The following GRK1 variants were observed in gnomAD, a reference collection of about 807,000 sequenced individuals.
GRK1 encodes the protein G protein-coupled receptor kinase 1, also known as rhodopsin kinase GRK1.
Under a neutral mutation model 41.7 loss-of-function variants are expected in GRK1, and 28 were observed. That is an observed-to-expected ratio of 0.67 (90% CI 0.50 to 0.92). The LOEUF (loss-of-function observed/expected upper bound fraction) is 0.92, where lower values mean the gene tolerates loss of function less well. GRK1 is among the 40% of genes least tolerant of loss of function. The pLI is 0.00. For missense variants in GRK1, 703 were observed against 671.2 expected, an observed-to-expected ratio of 1.05 and a Z score of -0.52; for synonymous variants, 327 against 286.7, an observed-to-expected ratio of 1.14 and a Z score of -1.42.
In GRK1 at chr13:113,667,285, C is replaced by T; in HGVS notation, c.-102C>T. Reference sequence around the variant, plus strand: ...TCGTCCAGCAAGGGCAGGGACGGGCCACAGGCCAAGGGCAGCAGTCAGGCC... The same window carrying T: ...TCGTCCAGCAAGGGCAGGGACGGGCTACAGGCCAAGGGCAGCAGTCAGGCC... On this transcript the variant is annotated 5_prime_UTR_variant, in exon 1 of 7. Transcript: ENST00000335678. This position sits in a 1 kb window ranked among gnomAD's most constrained non-coding sequence, Gnocchi z 7.5. 2.5e-6 allele frequency: 3 copies of T among 1,198,050 alleles called. No individual in the cohort carries two copies. The highest frequency in any genetic ancestry group is 3.4e-6 in the Non-Finnish European group (3 of 874,748). 74.2% of individuals were successfully genotyped at this position (1,198,050 alleles called of 1,614,324 possible).
intron 5 of GRK1, among the ~76,000 whole-genome samples, chr13:113,732,539 G>A (rs929111314): frequency 6.6e-6 from 1 of 152,238 alleles, no homozygotes; most frequent in African/African-American, 2.4e-5. Flanking sequence ...CGAGGCTTCC[G>A]TCCACCGTGG....
chr13:113,734,899 C>T, intron 6 of GRK1, 169 bp from the exon 7 acceptor site: 3 of 621,732 alleles, frequency 4.8e-6, no homozygotes, highest in Non-Finnish European at 5.1e-6. Flanking sequence ...ACCCAGGGGC[C>T]TTCTGGGAAC....
At chr13:113,669,594 G>A (rs2049842416) in intron 1 of GRK1, 93 bp from the exon 2 acceptor site, 11 of 1,495,998 alleles carry the variant, frequency 7.4e-6, no homozygotes, top group Non-Finnish European at 8.3e-6. Context: ...GTGGCTGTGT[G>A]CAGTGGGCGT....
chr13:113,649,669 AGT>A, the GRK1 span: 1 of 1,022,734 alleles, frequency 9.8e-7, no homozygotes, highest in Admixed American at 3.6e-5. The surrounding 1 kb of genome is among the most constrained non-coding windows in gnomAD (Gnocchi z 4.7). Context: ...GCCCTGACCG[AGT>A]GCATGCCCTG....
In GRK1 at chr13:113,732,893, A is replaced by C; in HGVS notation, c.1204A>C (p.Lys402Gln). 3 of 1,536,550 alleles carry C rather than the reference A, an allele frequency of 2.0e-6. No individual in the cohort carries two copies. The highest frequency in any genetic ancestry group is 2.6e-6 in the Non-Finnish European group (3 of 1,146,854). The part of the protein sequence containing the change: ...FRARGEKVEN[K>Q]ELKHRIISEP... ...ACGCGTGTCCCCACAGGTGGAGAACAAGGAGCTGAAGCACCGGATCATCTC... is the reference window on the plus strand; with the variant it reads ...ACGCGTGTCCCCACAGGTGGAGAACCAGGAGCTGAAGCACCGGATCATCTC... Residue 402 changes from lysine to glutamine, a missense_variant, in exon 6 of 7, where the codon AAG (lysine) becomes CAG (glutamine). Lys to Gln is a moderately conservative substitution (Grantham distance 53). Coordinates refer to ENST00000335678, the MANE Select transcript of GRK1 (RefSeq NM_002929.3).
chr13:113,664,178 G>A (rs919906776), upstream of GRK1, among the ~76,000 whole-genome samples: 1 of 152,124 alleles, frequency 6.6e-6, no homozygotes, highest in Non-Finnish European at 1.5e-5. The surrounding 1 kb of genome is among the most constrained non-coding windows in gnomAD (Gnocchi z 5.4). Flanking sequence ...TTCATGTGAC[G>A]TGCTTAGAGA....
At chr13:113,657,020 G>T in the GRK1 span, among the ~76,000 whole-genome samples, 7 of 152,196 alleles carry the variant, frequency 4.6e-5, no homozygotes, top group African/African-American at 1.7e-4. Flanking sequence ...CTTCAAATGC[G>T]CCCATGACTC....
chr13:113,651,703 C>T, the GRK1 span: 12 of 1,613,710 alleles, frequency 7.4e-6, no homozygotes, highest in East Asian at 1.1e-4. Flanking sequence ...GGGGCCGAGC[C>T]GTTGCTGGGG....
the GRK1 span, among the ~76,000 whole-genome samples, chr13:113,660,283 C>T: frequency 6.6e-6 from 1 of 152,150 alleles, no homozygotes; most frequent in Non-Finnish European, 1.5e-5. Context: ...ACTGTGACCA[C>T]CACACAGTGA....
At chr13:113,653,907 C>T in the GRK1 span, among the ~76,000 whole-genome samples, 228 of 152,336 alleles carry the variant, frequency 1.5e-3, no homozygotes, top group African/African-American at 5.0e-3. Context: ...CGATGTGAAC[C>T]GTCAAATGTG....
Position 113,667,588 on chromosome 13 carries a change from G to C in GRK1, c.202G>C (p.Gly68Arg), listed in dbSNP as rs745407122. Residue 68 changes from glycine (G) to arginine (R), a missense_variant, in exon 1 of 7, where the codon GGC (glycine) becomes CGC (arginine). Gly to Arg is a moderately radical substitution (Grantham distance 125). Coordinates refer to ENST00000335678, the MANE Select transcript of GRK1 (RefSeq NM_002929.3). The surrounding 1 kb of genome is among the most constrained non-coding windows in gnomAD (Gnocchi z 7.5). ...FESVCLEQPI[G>R]KKLFQQFLQS... ...GAGTGTGTGCTTGGAGCAGCCCATC[G>C]GCAAGAAGCTCTTTCAGCAGTTCCT... The C allele has an allele frequency of 6.2e-7, 1 of 1,613,580 alleles. No homozygotes were observed. The highest frequency in any genetic ancestry group is 1.7e-5 in the Admixed American group (1 of 60,020).
the GRK1 span, chr13:113,653,354 C>A: frequency 6.2e-7 from 1 of 1,614,156 alleles, no homozygotes; most frequent in Non-Finnish European, 8.5e-7. Flanking sequence ...TGTGTGAGGT[C>A]TGCCCAGGTT....
At chr13:113,668,799 C>T (rs999034366) in intron 1 of GRK1, among the ~76,000 whole-genome samples, 11 of 152,352 alleles carry the variant, frequency 7.2e-5, no homozygotes, top group Admixed American at 5.9e-4. Context: ...CTCCTGGCCC[C>T]TCTCCCACCA....
chr13:113,732,808 G>A, intron 5 of GRK1, 76 bp from the exon 6 acceptor site: 1 of 1,475,102 alleles, frequency 6.8e-7, no homozygotes, highest in Non-Finnish European at 9.1e-7. Flanking sequence ...TGGCTCTTGT[G>A]GGAGGAGCTG....
intron 4 of GRK1, among the ~76,000 whole-genome samples, chr13:113,727,224 A>G (rs948087330): frequency 6.6e-6 from 1 of 152,148 alleles, no homozygotes; most frequent in African/African-American, 2.4e-5. Flanking sequence ...TCTGCCAAGG[A>G]CCCTGCTTGG....
At chr13:113,653,135 G>A in the GRK1 span, 1 of 1,555,920 alleles carries the variant, frequency 6.4e-7, no homozygotes, top group Non-Finnish European at 8.7e-7. Flanking sequence ...CTGCCCCCCG[G>A]GAAGGCCTTG....
rs780166589 is a variant in GRK1 at position 113,731,151 on chromosome 13, C to T, written c.1070-68C>T. The T allele has an allele frequency of 1.1e-4, 163 of 1,507,004 alleles. No homozygotes were observed. Among genetic ancestry groups the T allele is most frequent in the Non-Finnish European group, 1.3e-4 (148 of 1,127,886 alleles). 93.4% of individuals were successfully genotyped at this position (1,507,004 alleles called of 1,614,324 possible). A position where few individuals can be genotyped will look rare whatever the true frequency, so the allele number is the denominator to read the frequency against. On this transcript the variant is annotated intron_variant, in intron 4 of 6. Transcript: ENST00000335678. This position sits in a 1 kb window ranked among gnomAD's most constrained non-coding sequence, Gnocchi z 5.6. ...ATGCATCCCCAGAGCATCAGTCCTG[C>T]GATTCCTGGAGTGCGTGCCCACCAT...
intron 6 of GRK1, 30 bp downstream of exon 6, chr13:113,733,115 G>T: frequency 1.3e-6 from 2 of 1,524,234 alleles, no homozygotes; most frequent in South Asian, 2.4e-5. Flanking sequence ...CCCCGGAGAG[G>T]GTGGGGTTCT....
the GRK1 span, chr13:113,653,141 C>T: frequency 6.5e-7 from 1 of 1,537,432 alleles, no homozygotes; most frequent in Non-Finnish European, 8.8e-7. Context: ...CCCGGGAAGG[C>T]CTTGCAAGCC....
Sources: gnomAD v4.1 joint callset for allele counts (sites outside exome capture counted in the v4.1 genomes callset) on GRCh38, gnomAD v4.1.1 for gene constraint, Gnocchi (gnomAD v3.1) non-coding constraint, MANE v1.5 for transcripts, NCBI Gene and HGNC (gene_info 2026-07-23, HGNC 2026-07-21) for gene names.